The following TRPC1 variants were observed in gnomAD, a reference collection of about 807,000 sequenced individuals.
TRPC1 encodes transient receptor potential cation channel subfamily C member 1, also known as short transient receptor potential channel 1.
A neutral mutation model predicts 88.2 loss-of-function variants in TRPC1; 42 were observed. The observed-to-expected ratio is 0.48, with a 90% CI of 0.37 to 0.62. The LOEUF (loss-of-function observed/expected upper bound fraction) is 0.62. Ranked by LOEUF, TRPC1 falls within the 20% of genes least tolerant of loss-of-function variation. The pLI is 0.00. For missense variants in TRPC1, 699 were observed against 957.3 expected (o/e 0.73, Z 3.56); for synonymous variants, 288 against 331.8 (o/e 0.87, Z 1.43).
rs556283501 is a variant in TRPC1, at chr3:142,797,285, C to T, written c.1581+4318C>T. Among the ~76,000 whole-genome samples, 30 of 151,628 alleles carry T rather than the reference C, an allele frequency of 2.0e-4. No homozygotes were observed. In the East Asian group the frequency reaches 5.2e-3, roughly 26 times the overall value. On this transcript the variant is annotated intron_variant, in intron 9 of 12. Coordinates refer to ENST00000476941, the MANE Select transcript of TRPC1 (RefSeq NM_001251845.2). ...CCTACTTCATTTAGGATAGGAGGTG[C>T]GTTTCTTTCCCAGAGGTTGAAATGT...
At chr3:142,736,252 A>C in intron 1 of TRPC1, 127 bp from the exon 2 acceptor site, 5 of 615,078 alleles carry the variant, frequency 8.1e-6, no homozygotes, top group Non-Finnish European at 1.3e-5. Flanking sequence ...TTCTCTGTGT[A>C]CATTTTCTTA....
chr3:142,790,668 ATCCGTGTGTGTC>A (rs1936266889), intron 7 of TRPC1, among the ~76,000 whole-genome samples: 1 of 152,038 alleles, frequency 6.6e-6, no homozygotes, highest in South Asian at 2.1e-4. Flanking sequence ...CCATGTGTGT[ATCCGTGTGTGTC>A]TCCGTGTATG....
In TRPC1 at chr3:142,724,385, G is replaced by A; in HGVS notation, c.-175G>A. On this transcript the variant is annotated 5_prime_UTR_variant, in exon 1 of 13. The change creates a new upstream start codon in the 5' untranslated region. Transcript: ENST00000476941. The surrounding 1 kb of genome is among the most constrained non-coding windows in gnomAD (Gnocchi z 5.6). ...ACTTGGGGCTGTCAGTGGAGGGCGA[G>A]TGCTGGTTCTCAGGGGAGGCGACGC... The A allele has an allele frequency of 3.9e-6, 2 of 512,836 alleles. No homozygotes were observed. Among genetic ancestry groups the A allele is most frequent in the Non-Finnish European group, 6.5e-6 (2 of 309,080 alleles). 31.8% of individuals were successfully genotyped at this position (512,836 alleles called of 1,614,324 possible).
At chr3:142,764,348 T>C (rs190400787) in intron 4 of TRPC1, among the ~76,000 whole-genome samples, 265 of 152,236 alleles carry the variant, frequency 1.7e-3, no homozygotes, top group African/African-American at 5.6e-3. Context: ...ATTTTACCAA[T>C]GGTTTTTATA....
chr3:142,737,795 A>T (rs900431221), intron 2 of TRPC1, among the ~76,000 whole-genome samples: 1 of 152,194 alleles, frequency 6.6e-6, no homozygotes, highest in Non-Finnish European at 1.5e-5. Flanking sequence ...AGGAAGAGTT[A>T]AATTATATTC....
At chr3:142,769,211 A>G (rs1406335569) in intron 4 of TRPC1, among the ~76,000 whole-genome samples, 1 of 152,106 alleles carries the variant, frequency 6.6e-6, no homozygotes, top group East Asian at 1.9e-4. Flanking sequence ...TTTTTCATAT[A>G]TCTATAGGTA....
At chr3:142,799,376 C>G (rs1239482386) in intron 9 of TRPC1, among the ~76,000 whole-genome samples, 1 of 152,154 alleles carries the variant, frequency 6.6e-6, no homozygotes, top group Non-Finnish European at 1.5e-5. Flanking sequence ...ATCTCTCAGT[C>G]TAAAATAAAT....
At chr3:142,800,782 G>A (rs1003555468) in intron 9 of TRPC1, among the ~76,000 whole-genome samples, 1 of 151,906 alleles carries the variant, frequency 6.6e-6, no homozygotes, top group East Asian at 1.9e-4. Context: ...GCTGGGCATG[G>A]TGGTGGGCAT....
chr3:142,769,104 C>T (rs1417642712), intron 4 of TRPC1, among the ~76,000 whole-genome samples: 1 of 152,010 alleles, frequency 6.6e-6, no homozygotes, highest in Non-Finnish European at 1.5e-5. Context: ...TAGTATTTAT[C>T]TGGGAAAATT....
intron 8 of TRPC1, among the ~76,000 whole-genome samples, chr3:142,791,883 T>C (rs927926783): frequency 6.6e-6 from 1 of 152,162 alleles, no homozygotes; most frequent in East Asian, 1.9e-4. Flanking sequence ...TTCATCAGAA[T>C]TTAAGCTCCC....
intron 9 of TRPC1, among the ~76,000 whole-genome samples, chr3:142,795,554 G>A (rs1936425806): frequency 6.6e-6 from 1 of 151,700 alleles, no homozygotes; most frequent in African/African-American, 2.4e-5. Flanking sequence ...GGAGGCAGTG[G>A]AGTGACATTT....
chr3:142,748,037 C>T (rs1934622027), intron 3 of TRPC1, among the ~76,000 whole-genome samples: 2 of 152,040 alleles, frequency 1.3e-5, no homozygotes. Context: ...TGAATGTTAC[C>T]TATTGAAGAT....
rs1203134153 is a variant in TRPC1, at chr3:142,807,538, T to C, written c.*1303T>C. The C allele has an allele frequency of 6.6e-6, 1 of 152,224 alleles. No individual in the cohort carries two copies. Among genetic ancestry groups the C allele is most frequent in the Non-Finnish European group, 1.5e-5 (1 of 68,034 alleles). 9.4% of individuals were successfully genotyped at this position (152,224 alleles called of 1,614,324 possible). A position where few individuals can be genotyped will look rare whatever the true frequency, so the allele number is the denominator to read the frequency against. ...CAGGGTGCAGGTAACCCTTGGTCTG[T>C]AAGCACCACCGATCCAGGGATCATT... is the stretch of plus-strand genomic sequence containing the variant. On this transcript the variant is annotated 3_prime_UTR_variant, in exon 13 of 13. Transcript: ENST00000476941.
Position 142,724,485 on chromosome 3 carries a change from C to T in TRPC1, c.-75C>T. On this transcript the variant is annotated 5_prime_UTR_variant, in exon 1 of 13. Coordinates refer to ENST00000476941, the MANE Select transcript of TRPC1 (RefSeq NM_001251845.2). The surrounding 1 kb of genome is among the most constrained non-coding windows in gnomAD (Gnocchi z 5.6). Reference sequence around the variant, plus strand: ...TCCTTTTTCCAGCCCTGGGGCGTGGCTGGGGTCGGGGTCGGGGTCGGGGCC... The same window carrying T: ...TCCTTTTTCCAGCCCTGGGGCGTGGTTGGGGTCGGGGTCGGGGTCGGGGCC... 7.2e-7 allele frequency: 1 copy of T among 1,390,170 alleles called. No individual in the cohort carries two copies. The highest frequency in any genetic ancestry group is 9.4e-7 in the Non-Finnish European group (1 of 1,059,902). 86.1% of individuals were successfully genotyped at this position (1,390,170 alleles called of 1,614,324 possible).
intron 5 of TRPC1, among the ~76,000 whole-genome samples, chr3:142,779,861 ATTTTTTT>A (rs1008974297): frequency 1.0e-4 from 13 of 125,406 alleles, no homozygotes; most frequent in African/African-American, 3.4e-4. Flanking sequence ...AATGTAATTG[ATTTTTTT>A]TTTTTTTTTT....
At chr3:142,801,991 T>C (rs1432301278) in intron 9 of TRPC1, among the ~76,000 whole-genome samples, 178 bp from the exon 10 acceptor site, 4 of 152,068 alleles carry the variant, frequency 2.6e-5, no homozygotes, top group Non-Finnish European at 5.9e-5. Context: ...TAGAATGACT[T>C]TTTGTTAGGC....
chr3:142,790,980 TAAGA>T lies in TRPC1; in HGVS notation c.1298-35_1298-32del, dbSNP rs1472750093. 2.7e-6 allele frequency: 4 copies of T among 1,485,526 alleles called. No homozygotes were observed. In the Admixed American group the frequency reaches 9.3e-5, roughly 34 times the overall value. The allele number at this position is 1,485,526 out of a possible 1,614,324, so 92.0% of individuals were successfully genotyped here. A position where few individuals can be genotyped will look rare whatever the true frequency, so the allele number is the denominator to read the frequency against. On this transcript the variant is annotated intron_variant, in intron 7 of 12. Transcript: ENST00000476941. ...GTATTATTTAGTTTATTTATTGAAT[TAAGA>T]AAGTGTTATCTGATTTTTTTCTTCC...
intron 4 of TRPC1, among the ~76,000 whole-genome samples, chr3:142,773,581 G>GTTT (rs74269488): frequency 7.6e-6 from 1 of 132,392 alleles, no homozygotes. Flanking sequence ...TCTGCAGGCA[G>GTTT]TTTTTTTTTT....
intron 9 of TRPC1, chr3:142,793,775 T>C: frequency 1.2e-6 from 1 of 831,820 alleles, no homozygotes; most frequent in South Asian, 5.5e-5. Flanking sequence ...ACTAACAATT[T>C]AGATTGTCTC....
Sources: gnomAD v4.1 joint callset for allele counts (sites outside exome capture counted in the v4.1 genomes callset) on GRCh38, gnomAD v4.1.1 for gene constraint, Gnocchi (gnomAD v3.1) non-coding constraint, MANE v1.5 for transcripts, NCBI Gene and HGNC (gene_info 2026-07-23, HGNC 2026-07-21) for gene names.